MMP16: variants seen among roughly 807,000 people sequenced by gnomAD.
MMP16 encodes the protein matrix metallopeptidase 16.
Under a neutral mutation model 67.8 loss-of-function variants are expected in MMP16, and 12 were observed. The ratio of observed to expected loss-of-function variants is 0.18; its 90% CI spans 0.11 to 0.29. MMP16 has a LOEUF of 0.29. MMP16 is among the 10% of genes least tolerant of loss of function. The probability of loss-of-function intolerance (pLI) is 1.00; values close to 1 mark genes in which losing one functional copy is unlikely to be tolerated. For synonymous variants in MMP16, 249 were observed against 255.9 expected, an observed-to-expected ratio of 0.97 and a Z score of 0.26; for missense variants, 475 against 765.7, an observed-to-expected ratio of 0.62 and a Z score of 4.48.
chr8:88,207,674 A>T (rs1456768705), intron 1 of MMP16, among the ~76,000 whole-genome samples: 1 of 148,258 alleles, frequency 6.7e-6, no homozygotes, highest in African/African-American at 2.5e-5. Flanking sequence ...AGGTAAATGA[A>T]TTCAGAGTAA....
chr8:88,286,286 T>C (rs998563690), intron 1 of MMP16, among the ~76,000 whole-genome samples: 5 of 152,220 alleles, frequency 3.3e-5, no homozygotes, highest in African/African-American at 9.6e-5. Context: ...GGTTCTCTCC[T>C]GTCTTCATAG....
intron 6 of MMP16, among the ~76,000 whole-genome samples, chr8:88,089,813 A>G (rs1399992271): frequency 1.3e-5 from 2 of 151,992 alleles, no homozygotes; most frequent in African/African-American, 4.8e-5. Context: ...CACACCTCCC[A>G]GACTGAGATT....
At chr8:88,319,563 G>T (rs1811426784) in intron 1 of MMP16, among the ~76,000 whole-genome samples, 1 of 151,974 alleles carries the variant, frequency 6.6e-6, no homozygotes, top group African/African-American at 2.4e-5. Context: ...TAAACAATGA[G>T]AAATTACCAA....
intron 7 of MMP16, among the ~76,000 whole-genome samples, chr8:88,064,343 T>C (rs1387617163): frequency 6.6e-6 from 1 of 152,156 alleles, no homozygotes; most frequent in East Asian, 1.9e-4. Flanking sequence ...ATATATTCTT[T>C]GAGAAAACAT....
intron 7 of MMP16, among the ~76,000 whole-genome samples, chr8:88,063,881 C>T (rs1451526953): frequency 6.6e-6 from 1 of 152,060 alleles, no homozygotes; most frequent in East Asian, 1.9e-4. Flanking sequence ...TCAATTAACC[C>T]ACTGTATTCG....
intron 1 of MMP16, among the ~76,000 whole-genome samples, chr8:88,263,023 C>CAAATAAAT (rs35062853): frequency 0.08 from 11,769 of 146,560 alleles, 884 homozygotes; most frequent in African/African-American, 0.2. Context: ...GACTCCGTCT[C>CAAATAAAT]AAATAAATAA....
chr8:88,047,845 G>T (rs1808218691), intron 8 of MMP16, among the ~76,000 whole-genome samples: 1 of 152,204 alleles, frequency 6.6e-6, no homozygotes, highest in Non-Finnish European at 1.5e-5. Flanking sequence ...AAAAGAGTTT[G>T]AAGGAGATAA....
At chr8:88,129,366 A>C (rs548389335) in intron 4 of MMP16, among the ~76,000 whole-genome samples, 1 of 151,908 alleles carries the variant, frequency 6.6e-6, no homozygotes, top group South Asian at 2.1e-4. Context: ...AAACAAAGCA[A>C]AAGCTAATGA....
intron 6 of MMP16, among the ~76,000 whole-genome samples, chr8:88,075,431 G>A (rs1041173509): frequency 1.3e-5 from 2 of 152,022 alleles, no homozygotes; most frequent in Admixed American, 1.3e-4. Flanking sequence ...CTCTAGTGAA[G>A]AACACATGGC....
intron 1 of MMP16, among the ~76,000 whole-genome samples, chr8:88,212,599 AAT>A (rs1809529256): frequency 6.6e-6 from 1 of 152,136 alleles, no homozygotes. Flanking sequence ...ACAAACAAAA[AAT>A]GTCCCTCTGC....
intron 4 of MMP16, among the ~76,000 whole-genome samples, chr8:88,156,826 T>C (rs1808517347): frequency 1.3e-5 from 2 of 152,068 alleles, no homozygotes; most frequent in Non-Finnish European, 1.5e-5. Context: ...AAAGATGAAT[T>C]AGAAGGAAAA....
At chr8:88,078,138 T>A (rs549005046) in intron 6 of MMP16, among the ~76,000 whole-genome samples, 10 of 152,166 alleles carry the variant, frequency 6.6e-5, no homozygotes, top group African/African-American at 2.4e-4. Context: ...TCCCTCTCTT[T>A]CTTTGGTTTG....
intron 1 of MMP16, among the ~76,000 whole-genome samples, chr8:88,203,104 CT>C (rs33928858): frequency 0.033 from 4,076 of 123,046 alleles, 140 homozygotes; most frequent in African/African-American, 0.11. Context: ...ACCAGAACTT[CT>C]TTTTTTTTTT....
intron 1 of MMP16, among the ~76,000 whole-genome samples, chr8:88,273,241 T>G (rs1334206733): frequency 7.5e-6 from 1 of 134,070 alleles, no homozygotes; most frequent in African/African-American, 2.7e-5. Context: ...CGTGCCACCA[T>G]GCCTGGCTTT....
intron 4 of MMP16, among the ~76,000 whole-genome samples, chr8:88,149,351 A>G (rs1808357985): frequency 6.6e-6 from 1 of 152,174 alleles, no homozygotes; most frequent in Non-Finnish European, 1.5e-5. Flanking sequence ...AACTGGGTGG[A>G]GCCCACCACA....
At chr8:88,228,273 A>C (rs1370760102) in intron 1 of MMP16, among the ~76,000 whole-genome samples, 1 of 152,116 alleles carries the variant, frequency 6.6e-6, no homozygotes, top group African/African-American at 2.4e-5. Context: ...AGATTATTAT[A>C]AGAAAATAAT....
chr8:88,072,913 T>C (rs899712324), intron 7 of MMP16, among the ~76,000 whole-genome samples: 3 of 152,018 alleles, frequency 2.0e-5, no homozygotes, highest in Non-Finnish European at 2.9e-5. Flanking sequence ...TGTTGAAAGA[T>C]GAAAAGGAGC....
At chr8:88,174,306 A>AG (rs1808850320) in intron 3 of MMP16, among the ~76,000 whole-genome samples, 1 of 152,184 alleles carries the variant, frequency 6.6e-6, no homozygotes, top group Admixed American at 6.5e-5. Flanking sequence ...TTTGGAACTT[A>AG]GATTTCGAAG....
chr8:88,252,762 A>AT (rs1810246423), intron 1 of MMP16, among the ~76,000 whole-genome samples: 1 of 152,068 alleles, frequency 6.6e-6, no homozygotes, highest in Non-Finnish European at 1.5e-5. Context: ...TAGTTGTATG[A>AT]TAAAAACTAA....
Sources: gnomAD v4.1 joint callset for allele counts (sites outside exome capture counted in the v4.1 genomes callset) on GRCh38, gnomAD v4.1.1 for gene constraint, MANE v1.5 for transcripts, NCBI Gene and HGNC (gene_info 2026-07-23, HGNC 2026-07-21) for gene names.